ANKS1B: variants seen among roughly 807,000 people sequenced by gnomAD.
ANKS1B encodes ankyrin repeat and sterile alpha motif domain containing 1B.
In ANKS1B, 36 loss-of-function variants were observed where a neutral mutation model predicts 148.3. The observed-to-expected ratio is 0.24, with a 90% CI of 0.19 to 0.32. The LOEUF is 0.32. ANKS1B is among the 10% of genes least tolerant of loss of function. ANKS1B has a pLI of 1.00. For synonymous variants in ANKS1B, 542 were observed against 560.8 expected, an observed-to-expected ratio of 0.97 and a Z score of 0.47; for missense variants, 1,157 against 1,542.6, an observed-to-expected ratio of 0.75 and a Z score of 4.19.
At chr12:99,429,098 A>G (rs1423610699) in intron 11 of ANKS1B, among the ~76,000 whole-genome samples, 2 of 152,236 alleles carry the variant, frequency 1.3e-5, no homozygotes, top group African/African-American at 4.8e-5. Flanking sequence ...ATATTCACAT[A>G]GTTTTAAAGT....
intron 10 of ANKS1B, among the ~76,000 whole-genome samples, chr12:99,466,105 A>C (rs1461798121): frequency 2.0e-5 from 3 of 152,214 alleles, no homozygotes; most frequent in African/African-American, 7.2e-5. Context: ...ACCACAGTGC[A>C]ATCAAACTAG....
chr12:99,056,283 C>G (rs1044826791), intron 16 of ANKS1B, among the ~76,000 whole-genome samples: 12 of 152,138 alleles, frequency 7.9e-5, no homozygotes, highest in Admixed American at 2.0e-4. Flanking sequence ...GAGAGGAAAC[C>G]ATTAGAGCCA....
At chr12:99,590,240 A>C (rs2097686860) in intron 9 of ANKS1B, among the ~76,000 whole-genome samples, 1 of 139,054 alleles carries the variant, frequency 7.2e-6, no homozygotes, top group African/African-American at 2.8e-5. Flanking sequence ...TAAAACATTC[A>C]CTCACACCCA....
chr12:99,201,695 GTCTT>G (rs1461042977), intron 14 of ANKS1B, among the ~76,000 whole-genome samples: 1 of 152,116 alleles, frequency 6.6e-6, no homozygotes, highest in Admixed American at 6.5e-5. Flanking sequence ...GTAGTAAACA[GTCTT>G]TCTTAGTAAA....
intron 20 of ANKS1B, among the ~76,000 whole-genome samples, chr12:98,802,633 G>T (rs1274922524): frequency 4.9e-5 from 3 of 61,578 alleles, no homozygotes; most frequent in Admixed American, 3.9e-4. Context: ...TTTTTTTTTA[G>T]CAGTGGAGTG....
intron 14 of ANKS1B, among the ~76,000 whole-genome samples, chr12:99,236,250 G>A (rs932337665): frequency 1.3e-5 from 2 of 152,304 alleles, no homozygotes; most frequent in Non-Finnish European, 2.9e-5. Context: ...TCTGCAAACA[G>A]GGATAGTTTG....
intron 1 of ANKS1B, among the ~76,000 whole-genome samples, chr12:99,876,069 G>T (rs1040748866): frequency 1.3e-5 from 2 of 152,164 alleles, no homozygotes; most frequent in Non-Finnish European, 2.9e-5. Flanking sequence ...TTCGATTGAG[G>T]TAGGGGGCAA....
intron 9 of ANKS1B, among the ~76,000 whole-genome samples, chr12:99,575,318 A>G (rs906657675): frequency 5.9e-5 from 9 of 152,202 alleles, no homozygotes; most frequent in African/African-American, 2.2e-4. Context: ...GAGAAATATG[A>G]TCCTTTCCAG....
At chr12:99,005,012 G>A (rs992112013) in intron 17 of ANKS1B, among the ~76,000 whole-genome samples, 1 of 152,166 alleles carries the variant, frequency 6.6e-6, no homozygotes, top group Admixed American at 6.5e-5. Flanking sequence ...AACATCCGGT[G>A]GGAGCAGAAG....
At chr12:99,236,862 T>C (rs1345097473) in intron 14 of ANKS1B, among the ~76,000 whole-genome samples, 2 of 152,052 alleles carry the variant, frequency 1.3e-5, no homozygotes, top group Non-Finnish European at 2.9e-5. Context: ...GAAAACCAAA[T>C]TCTGCATGTT....
At chr12:98,795,063 C>T in intron 22 of ANKS1B, 1 of 623,500 alleles carries the variant, frequency 1.6e-6, no homozygotes, top group African/African-American at 1.8e-5. Context: ...TACATAAGGC[C>T]ACTTAAATGA....
chr12:99,473,664 T>C (rs2096275153), intron 10 of ANKS1B, among the ~76,000 whole-genome samples: 1 of 152,056 alleles, frequency 6.6e-6, no homozygotes, highest in African/African-American at 2.4e-5. Context: ...ATTGGGGCCT[T>C]AATTTAAATG....
At chr12:99,256,768 C>T (rs961388587) in intron 12 of ANKS1B, among the ~76,000 whole-genome samples, 1 of 151,996 alleles carries the variant, frequency 6.6e-6, no homozygotes, top group African/African-American at 2.4e-5. Context: ...TTCTCTCCAC[C>T]TGGTTTGAAA....
At chr12:99,428,225 A>C (rs1442635055) in intron 11 of ANKS1B, among the ~76,000 whole-genome samples, 2 of 152,006 alleles carry the variant, frequency 1.3e-5, no homozygotes, top group Non-Finnish European at 2.9e-5. Flanking sequence ...GAGTCAAGGC[A>C]CTGTAAAGGT....
intron 10 of ANKS1B, among the ~76,000 whole-genome samples, chr12:99,446,125 C>T (rs79363884): frequency 6.7e-6 from 1 of 150,300 alleles, no homozygotes; most frequent in Non-Finnish European, 1.5e-5. Flanking sequence ...AAAAAAAAAA[C>T]AGGGTGGGGT....
At chr12:99,418,749 T>C (rs1430926775) in intron 11 of ANKS1B, among the ~76,000 whole-genome samples, 2 of 152,150 alleles carry the variant, frequency 1.3e-5, no homozygotes, top group Non-Finnish European at 2.9e-5. Flanking sequence ...AGTCTTCATG[T>C]TTTTACCATT....
intron 1 of ANKS1B, among the ~76,000 whole-genome samples, chr12:99,887,620 T>C (rs1403577928): frequency 1.3e-5 from 2 of 152,198 alleles, no homozygotes; most frequent in African/African-American, 2.4e-5. Context: ...CAGAAGATTA[T>C]TGTATATCAC....
At position 99,849,510 on chromosome 12, in the gene ANKS1B, C is replaced by T. The variant is rs572311690; in HGVS notation, c.135-24121G>A. ...CTTATTAAACCTTCAAATTTGCATA[C>T]TCTGTGACCAGCAATTCAGAAATTC... On this transcript the variant is annotated intron_variant, in intron 1 of 26. Transcript: ENST00000683438. 2.0e-5 allele frequency among the ~76,000 whole-genome samples: 3 copies of T among 152,216 alleles called. No individual in the cohort carries two copies. In the South Asian group the frequency reaches 6.2e-4, roughly 32 times the overall value.
intron 25 of ANKS1B, among the ~76,000 whole-genome samples, chr12:98,756,218 T>TG (rs1342556396): frequency 1.3e-5 from 2 of 152,096 alleles, no homozygotes; most frequent in African/African-American, 2.4e-5. Context: ...AATTGAATCA[T>TG]GGGGGTGGGT....
Sources: gnomAD v4.1 joint callset for allele counts (sites outside exome capture counted in the v4.1 genomes callset) on GRCh38, gnomAD v4.1.1 for gene constraint, MANE v1.5 for transcripts, NCBI Gene and HGNC (gene_info 2026-07-23, HGNC 2026-07-21) for gene names.